The following MEP1A variants were observed in gnomAD, a reference collection of about 807,000 sequenced individuals.
The protein encoded by MEP1A is N-benzoyl-L-tyrosyl-P-amino-benzoic acid hydrolase subunit alpha.
A neutral mutation model predicts 84.5 loss-of-function variants in MEP1A; 68 were observed. That is an observed-to-expected ratio of 0.80 (90% confidence interval 0.66 to 0.98). MEP1A has a LOEUF of 0.98. Among genes scored for constraint, MEP1A ranks in the 50% least tolerant of loss-of-function variants. The pLI is 0.00. For missense variants in MEP1A, 887 were observed against 919.9 expected (o/e 0.96, Z 0.46); for synonymous variants, 337 against 336.8 (o/e 1.00, Z -0.01).
At chr6:46,834,164 C>T (rs1768145601) in intron 11 of MEP1A, among the ~76,000 whole-genome samples, 1 of 151,958 alleles carries the variant, frequency 6.6e-6, no homozygotes, top group African/African-American at 2.4e-5. Context: ...CTCAGGCAAT[C>T]CACCCGCTTT....
At chr6:46,834,510 A>C in intron 11 of MEP1A, 68 bp from the exon 12 acceptor site, 1 of 832,058 alleles carries the variant, frequency 1.2e-6, no homozygotes, top group Non-Finnish European at 1.8e-6. Flanking sequence ...CTGTATCCTC[A>C]TTAAAGACAA....
At chr6:46,805,839 T>C (rs112464119) in intron 5 of MEP1A, among the ~76,000 whole-genome samples, 10 of 152,106 alleles carry the variant, frequency 6.6e-5, no homozygotes, top group African/African-American at 2.2e-4. Context: ...CGTTAGGCCA[T>C]TATTTGCTCA....
chr6:46,805,499 T>C (rs1352383066), intron 5 of MEP1A, among the ~76,000 whole-genome samples: 1 of 151,946 alleles, frequency 6.6e-6, no homozygotes, highest in Non-Finnish European at 1.5e-5. Flanking sequence ...AATTGAGTTG[T>C]TATTTAGTAT....
At position 46,824,781 on chromosome 6, in the gene MEP1A, A is replaced by ATATATAAATGATATATTTAAT. The variant is rs1562113449; in HGVS notation, c.557-489_557-488insTATAAATGATATATTTAATTA. On this transcript the variant is annotated intron_variant, in intron 7 of 13. Transcript: ENST00000230588. ...AAATATATATAAATTATGTATTTAA[A>ATATATAAATGATATATTTAAT]TAGATGTATTTAAATATATATAAAT... 1.5e-3 allele frequency among the ~76,000 whole-genome samples: 97 copies of ATATATAAATGATATATTTAAT among 63,960 alleles called. 1 individual carries two copies. The highest frequency in any genetic ancestry group is 2.9e-3 in the Admixed American group (15 of 5,150). The allele number at this position is 63,960 out of a possible 152,430, so 42.0% of individuals were successfully genotyped here. A position where few individuals can be genotyped will look rare whatever the true frequency, so the allele number is the denominator to read the frequency against.
intron 5 of MEP1A, among the ~76,000 whole-genome samples, chr6:46,806,245 T>G (rs1487497253): frequency 1.3e-5 from 2 of 152,094 alleles, no homozygotes; most frequent in Non-Finnish European, 2.9e-5. Flanking sequence ...AACAATTTCC[T>G]GTTCCTTCAC....
Position 46,796,978 on chromosome 6 carries a change from C to T in MEP1A, c.146-1628C>T, listed in dbSNP as rs116381657. Among the ~76,000 whole-genome samples the T allele has an allele frequency of 7.5e-3, 1,147 of 152,280 alleles. 13 individuals carry two copies. The highest frequency in any genetic ancestry group is 0.026 in the African/African-American group (1,086 of 41,550). ...GATGTCATTACTGTTTGTGGTTAAT[C>T]GTACTGCTACCATAAGAATAGGTCA... On this transcript the variant is annotated intron_variant, in intron 3 of 13. Transcript: ENST00000230588.
chr6:46,844,602 G>T (rs1243197158), downstream of MEP1A, among the ~76,000 whole-genome samples: 1 of 152,096 alleles, frequency 6.6e-6, no homozygotes, highest in Non-Finnish European at 1.5e-5. Context: ...AATAAAAGGA[G>T]AATAGAAAAA....
At chr6:46,817,080 G>C (rs1398303149) in intron 6 of MEP1A, among the ~76,000 whole-genome samples, 1 of 152,286 alleles carries the variant, frequency 6.6e-6, no homozygotes, top group African/African-American at 2.4e-5. Context: ...AAAATGGAAG[G>C]TACCTACACC....
At position 46,834,730 on chromosome 6, in the gene MEP1A, A is replaced by G. The variant is rs567203307; in HGVS notation, c.1762A>G (p.Ile588Val). ...RRSFLKNDDL[I>V]IFVDFEDITH... is the part of the protein sequence containing the mutation. ...GAGTTTCCTGAAAAATGATGACCTC[A>G]TCATATTTGTGGACTTTGAAGGTAC... The change falls in exon 12 of 14, where the codon ATC (isoleucine) becomes GTC (valine). Residue 588 changes from isoleucine (I) to valine (V), a missense_variant. Transcript: ENST00000230588. 12 of 1,611,486 alleles carry G rather than the reference A, an allele frequency of 7.4e-6. No individual in the cohort carries two copies. The South Asian group carries it at 1.1e-4, about 15-fold the overall frequency.
rs770622044 is a variant in MEP1A, at chr6:46,829,510, G to C, written c.1083G>C (p.Trp361Cys). ...TGSPSDRLVV[W>C]VRRDDSTGNV... ...GTCCTTCAGACAGACTCGTTGTCTGGGTCAGGAGGGATGACAGCACAGGCA... is the reference window on the plus strand; with the variant it reads ...GTCCTTCAGACAGACTCGTTGTCTGCGTCAGGAGGGATGACAGCACAGGCA... Residue 361 changes from tryptophan to cysteine, a missense_variant, in exon 10 of 14, where the codon TGG becomes TGC. Trp to Cys is a radical substitution (Grantham distance 215). Coordinates refer to ENST00000230588, the MANE Select transcript of MEP1A (RefSeq NM_005588.3). The C allele has an allele frequency of 6.2e-7, 1 of 1,614,118 alleles. No homozygotes were observed.
At chr6:46,828,158 C>G (rs1767990064) in intron 9 of MEP1A, among the ~76,000 whole-genome samples, 1 of 151,746 alleles carries the variant, frequency 6.6e-6, no homozygotes, top group African/African-American at 2.4e-5. Context: ...ATTTGACTCT[C>G]AATTCATGCT....
At position 46,825,478 on chromosome 6, in the gene MEP1A, C is replaced by A. The variant is rs368922958; in HGVS notation, c.763C>A (p.Arg255=). 1.4e-4 allele frequency: 223 copies of A among 1,610,630 alleles called. 1 individual carries two copies. In the Middle Eastern group the frequency reaches 5.1e-3, roughly 37 times the overall value. Residue 255 remains arginine, a synonymous_variant, in exon 8 of 14, where the codon CGA becomes AGA. Transcript: ENST00000230588. ...TGCCATTGATTTAGAGAGGCTGAACCGAATGTACAATTGCAGTGAGTATCT... is the reference window on the plus strand; with the variant it reads ...TGCCATTGATTTAGAGAGGCTGAACAGAATGTACAATTGCAGTGAGTATCT... ...FSAIDLERLN[R]MYNCTTTHTL...
intron 5 of MEP1A, among the ~76,000 whole-genome samples, chr6:46,805,247 G>A (rs1292880226): frequency 1.3e-5 from 2 of 151,738 alleles, no homozygotes; most frequent in Non-Finnish European, 2.9e-5. Context: ...TCAATGTGCT[G>A]GTACCATTTT....
In MEP1A at chr6:46,839,714, C is replaced by G. The variant is rs1442124253; in HGVS notation, c.*578C>G. 1 of 152,148 alleles carries G rather than the reference C, an allele frequency of 6.6e-6. No homozygotes were observed. The highest frequency in any genetic ancestry group is 2.1e-4 in the South Asian group (1 of 4,828). 9.4% of individuals were successfully genotyped at this position (152,148 alleles called of 1,614,324 possible). A position where few individuals can be genotyped will look rare whatever the true frequency, so the allele number is the denominator to read the frequency against. On this transcript the variant is annotated 3_prime_UTR_variant, in exon 14 of 14. Transcript: ENST00000230588. ...ACTTCTGGGCAGCCAGGCTGCACAG[C>G]ATTTGCTTTCCTCTGAGATTCTAAG...
intron 7 of MEP1A, among the ~76,000 whole-genome samples, chr6:46,820,500 C>T (rs573731645): frequency 6.6e-6 from 1 of 152,318 alleles, no homozygotes; most frequent in East Asian, 1.9e-4. Flanking sequence ...AAGCGATTCT[C>T]CTGCCTCAGG....
chr6:46,845,547 A>T, the MEP1A span, among the ~76,000 whole-genome samples: 5 of 152,240 alleles, frequency 3.3e-5, no homozygotes, highest in Admixed American at 6.5e-5. Context: ...CAGGGCCAGC[A>T]TATGGCTTAG....
chr6:46,833,442 C>T lies in MEP1A; in HGVS notation c.1513C>T (p.Gln505Ter), dbSNP rs1374052953. ...AILEWPVENR[Q>*]VIITILDQEP... Reference sequence around the variant, plus strand: ...CCTGGAGTGGCCGGTAGAAAACAGACAGGTGATAATTACCATCCTTGACCA... The same window carrying T: ...CCTGGAGTGGCCGGTAGAAAACAGATAGGTGATAATTACCATCCTTGACCA... The change falls in exon 11 of 14, where the codon CAG becomes TAG. Residue 505 changes from glutamine (Q) to a stop codon, truncating the protein, a stop_gained. Coordinates refer to ENST00000230588, the MANE Select transcript of MEP1A (RefSeq NM_005588.3). LOFTEE classifies it high-confidence loss of function. 1.9e-6 allele frequency: 3 copies of T among 1,614,164 alleles called. No homozygotes were observed. The highest frequency in any genetic ancestry group is 2.5e-6 in the Non-Finnish European group (3 of 1,180,018).
At chr6:46,815,649 G>T (rs537489402) in intron 6 of MEP1A, among the ~76,000 whole-genome samples, 1 of 152,028 alleles carries the variant, frequency 6.6e-6, no homozygotes, top group East Asian at 1.9e-4. Flanking sequence ...AGTAGTTCTC[G>T]GAGCAAAAAT....
intron 5 of MEP1A, among the ~76,000 whole-genome samples, chr6:46,801,777 T>C (rs1767201277): frequency 6.6e-6 from 1 of 152,090 alleles, no homozygotes. Flanking sequence ...TAATTTTGTG[T>C]ACAACAGGAT....
Sources: allele counts gnomAD v4.1 joint callset (sites outside exome capture counted in the v4.1 genomes callset), GRCh38; gene constraint gnomAD v4.1.1; transcripts MANE v1.5; gene names NCBI Gene and HGNC (gene_info 2026-07-23, HGNC 2026-07-21).